Variants in TRAPPC9 observed in about 807,000 individuals in gnomAD.
TRAPPC9 encodes IKK2 binding protein.
A neutral mutation model predicts 124.0 loss-of-function variants in TRAPPC9; 83 were observed. The ratio of observed to expected loss-of-function variants is 0.67; its 90% CI spans 0.56 to 0.80. The LOEUF (loss-of-function observed/expected upper bound fraction) is 0.80. Ranked by LOEUF, TRAPPC9 falls within the 30% of genes least tolerant of loss-of-function variation. The pLI is 0.00. For synonymous variants in TRAPPC9, 638 were observed against 617.5 expected, an observed-to-expected ratio of 1.03 and a Z score of -0.49; for missense variants, 1,302 against 1,508.3, an observed-to-expected ratio of 0.86 and a Z score of 2.27.
At chr8:140,206,510 G>C (rs970895374) in intron 17 of TRAPPC9, among the ~76,000 whole-genome samples, 1 of 152,054 alleles carries the variant, frequency 6.6e-6, no homozygotes, top group Non-Finnish European at 1.5e-5. Flanking sequence ...AAAAATCTAG[G>C]ATATTCAAGT....
intron 18 of TRAPPC9, among the ~76,000 whole-genome samples, chr8:140,006,646 GA>G (rs1461433763): frequency 6.6e-6 from 1 of 152,156 alleles, no homozygotes; most frequent in African/African-American, 2.4e-5. Flanking sequence ...CCATTCAACA[GA>G]AAATTATTCA....
intron 17 of TRAPPC9, among the ~76,000 whole-genome samples, chr8:140,219,496 A>C (rs1182342199): frequency 6.6e-6 from 1 of 152,200 alleles, no homozygotes; most frequent in Non-Finnish European, 1.5e-5. Context: ...GAGTTAATTC[A>C]TCAAAGAATG....
In TRAPPC9 at chr8:140,275,785, T is replaced by C. The variant is rs1334406173; in HGVS notation, c.2151A>G (p.Glu717=). Residue 717 remains glutamate (E), a synonymous_variant, in exon 15 of 23, where the codon GAA becomes GAG. Transcript: ENST00000438773. ...GCTGGACAGATACATTAGTAGATAT[T>C]TCATCACCAGAAGAAGGTTGCAATG... is the stretch of plus-strand genomic sequence containing the variant. ...AHSLQPSSGD[E]ISTNVSVQLY... The C allele has an allele frequency of 6.2e-7, 1 of 1,613,438 alleles. No homozygotes were observed. The highest frequency in any genetic ancestry group is 8.5e-7 in the Non-Finnish European group (1 of 1,179,480).
At chr8:140,432,556 T>G (rs373146304) in intron 4 of TRAPPC9, among the ~76,000 whole-genome samples, 26 of 152,284 alleles carry the variant, frequency 1.7e-4, no homozygotes, top group South Asian at 1.7e-3. Flanking sequence ...GCCACCTTAA[T>G]CTATACCAAC....
intron 21 of TRAPPC9, among the ~76,000 whole-genome samples, chr8:139,773,483 G>A (rs1350582589): frequency 2.0e-5 from 3 of 152,336 alleles, no homozygotes; most frequent in Non-Finnish European, 4.4e-5. Context: ...AAATGGAGGC[G>A]ATGATGGGGT....
intron 7 of TRAPPC9, among the ~76,000 whole-genome samples, chr8:140,372,355 GCC>G (rs1588235311): frequency 6.6e-6 from 1 of 152,144 alleles, no homozygotes; most frequent in East Asian, 1.9e-4. Context: ...TCCAACTTGG[GCC>G]TCCAAACCCT....
At chr8:139,761,106 A>C (rs1820188497) in intron 21 of TRAPPC9, among the ~76,000 whole-genome samples, 1 of 152,214 alleles carries the variant, frequency 6.6e-6, no homozygotes, top group Non-Finnish European at 1.5e-5. Context: ...TTTTGAAGGC[A>C]ACTTGGAAAT....
Position 140,170,042 on chromosome 8 carries a change from A to T in TRAPPC9, c.2556+51417T>A, listed in dbSNP as rs534053443. On this transcript the variant is annotated intron_variant, in intron 17 of 22. Coordinates refer to ENST00000438773, the MANE Select transcript of TRAPPC9 (RefSeq NM_001160372.4). The stretch of plus-strand genomic sequence containing the variant: ...TGTGAGCCACTGTGCCCTGCTATAT[A>T]TGAGTCTTTTACATGACTTTTTAAA... Among the ~76,000 whole-genome samples the T allele has an allele frequency of 3.9e-5, 6 of 152,202 alleles. No individual in the cohort carries two copies. In the East Asian group the frequency reaches 1.2e-3, roughly 29 times the overall value.
In TRAPPC9 at chr8:140,442,609, A is replaced by G. The variant is rs1017304347; in HGVS notation, c.585-3412T>C. Among the ~76,000 whole-genome samples, 41 of 151,910 alleles carry G rather than the reference A, an allele frequency of 2.7e-4. 1 individual carries two copies. Among genetic ancestry groups the G allele is most frequent in the African/African-American group, 7.7e-4 (32 of 41,346 alleles). On this transcript the variant is annotated intron_variant, in intron 2 of 22. Transcript: ENST00000438773. ...CGAGCCTCTGTCAAAAAAAAAAAAA[A>G]AAGAAGAAAATGCTTAATATTTTTC...
At chr8:139,873,734 C>T (rs139770827) in intron 21 of TRAPPC9, among the ~76,000 whole-genome samples, 19 of 152,326 alleles carry the variant, frequency 1.2e-4, no homozygotes, top group African/African-American at 4.3e-4. Flanking sequence ...GAGGACAATT[C>T]GTTCCACTTG....
chr8:139,789,826 G>A (rs1040339913), intron 21 of TRAPPC9, among the ~76,000 whole-genome samples: 12 of 152,200 alleles, frequency 7.9e-5, no homozygotes, highest in Admixed American at 7.2e-4. Flanking sequence ...CGGTCTTACT[G>A]AGCAGAGACC....
chr8:140,336,897 T>TA (rs1229661083), intron 9 of TRAPPC9, among the ~76,000 whole-genome samples: 1 of 118,500 alleles, frequency 8.4e-6, no homozygotes, highest in African/African-American at 3.6e-5. Flanking sequence ...TCCAGGCGAT[T>TA]AACAGGATAT....
Position 140,348,529 on chromosome 8 carries a change from C to T in TRAPPC9, c.1495+11521G>A, listed in dbSNP as rs534695340. 4.6e-5 allele frequency among the ~76,000 whole-genome samples: 7 copies of T among 151,744 alleles called. No homozygotes were observed. In the South Asian group the frequency reaches 1.5e-3, roughly 31 times the overall value. On this transcript the variant is annotated intron_variant, in intron 9 of 22. Coordinates refer to ENST00000438773, the MANE Select transcript of TRAPPC9 (RefSeq NM_001160372.4). Reference sequence around the variant, plus strand: ...CCCTCCTGATGAAAACTCTCTCCTGCTAAAAAAAAAGCCAAAGACCTAAAG... The same window carrying T: ...CCCTCCTGATGAAAACTCTCTCCTGTTAAAAAAAAAGCCAAAGACCTAAAG...
intron 1 of TRAPPC9, among the ~76,000 whole-genome samples, chr8:140,455,305 G>A (rs1270183742): frequency 6.6e-6 from 1 of 151,776 alleles, no homozygotes; most frequent in Non-Finnish European, 1.5e-5. Flanking sequence ...GCTAATTTTT[G>A]TATTTTCCGT....
intron 17 of TRAPPC9, among the ~76,000 whole-genome samples, chr8:140,042,059 C>T (rs1290049748): frequency 1.3e-5 from 2 of 151,988 alleles, no homozygotes; most frequent in Admixed American, 6.6e-5. Flanking sequence ...GAATATGGAA[C>T]GTTTATGACA....
chr8:140,353,806 C>T lies in TRAPPC9; in HGVS notation c.1495+6244G>A, dbSNP rs75910801. On this transcript the variant is annotated intron_variant, in intron 9 of 22. Coordinates refer to ENST00000438773, the MANE Select transcript of TRAPPC9 (RefSeq NM_001160372.4). This position sits in a 1 kb window ranked among gnomAD's most constrained non-coding sequence, Gnocchi z 4.2. Reference sequence around the variant, plus strand: ...AGACAGAAGACATCATTCATTCAGCCGGCATTTAAGGACCCGTAAGGTACC... The same window carrying T: ...AGACAGAAGACATCATTCATTCAGCTGGCATTTAAGGACCCGTAAGGTACC... Among the ~76,000 whole-genome samples, 96 of 152,300 alleles carry T rather than the reference C, an allele frequency of 6.3e-4. 1 individual carries two copies. In the East Asian group the frequency reaches 0.016, roughly 26 times the overall value.
At chr8:139,827,212 C>T (rs1825698742) in intron 21 of TRAPPC9, among the ~76,000 whole-genome samples, 1 of 152,196 alleles carries the variant, frequency 6.6e-6, no homozygotes, top group African/African-American at 2.4e-5. Flanking sequence ...AGCAGGGCCT[C>T]GCGGCTCAGG....
At chr8:139,950,989 C>A (rs902469449) in intron 19 of TRAPPC9, among the ~76,000 whole-genome samples, 1 of 152,196 alleles carries the variant, frequency 6.6e-6, no homozygotes, top group Non-Finnish European at 1.5e-5. Flanking sequence ...AACGCCCTGC[C>A]AAACAGAGTG....
At chr8:140,246,909 C>A (rs1588006194) in intron 16 of TRAPPC9, among the ~76,000 whole-genome samples, 2 of 151,936 alleles carry the variant, frequency 1.3e-5, no homozygotes, top group African/African-American at 4.8e-5. Flanking sequence ...CACTTGAACC[C>A]GGGAAGAGGA....
Sources: gnomAD v4.1 joint callset for allele counts (sites outside exome capture counted in the v4.1 genomes callset) on GRCh38, gnomAD v4.1.1 for gene constraint, Gnocchi (gnomAD v3.1) non-coding constraint, MANE v1.5 for transcripts, NCBI Gene and HGNC (gene_info 2026-07-23, HGNC 2026-07-21) for gene names.